The following LRRC1 variants were observed in gnomAD, a reference collection of about 807,000 sequenced individuals.
LRRC1 encodes the protein leucine-rich repeat-containing protein 1.
Under a neutral mutation model 69.9 loss-of-function variants are expected in LRRC1, and 28 were observed. The observed-to-expected ratio is 0.40, with a 90% CI of 0.30 to 0.55. The LOEUF is 0.55. LRRC1 is among the 20% of genes least tolerant of loss of function. The pLI is 0.47. For missense variants in LRRC1, 498 were observed against 609.0 expected, an observed-to-expected ratio of 0.82 and a Z score of 1.92; for synonymous variants, 236 against 240.2, an observed-to-expected ratio of 0.98 and a Z score of 0.16.
chr6:53,865,455 T>G (rs1317286755), intron 2 of LRRC1, among the ~76,000 whole-genome samples: 4 of 152,160 alleles, frequency 2.6e-5, no homozygotes. Context: ...AGAAGGTTGT[T>G]AGTCTTTGAT....
At chr6:53,844,647 T>TTTGTTG (rs753928943) in intron 2 of LRRC1, among the ~76,000 whole-genome samples, 9 of 152,178 alleles carry the variant, frequency 5.9e-5, no homozygotes, top group Admixed American at 1.3e-4. Context: ...TACCCTGCTT[T>TTTGTTG]TTGTTGTTGT....
At chr6:53,831,243 T>G (rs1333317999) in intron 1 of LRRC1, among the ~76,000 whole-genome samples, 1 of 152,106 alleles carries the variant, frequency 6.6e-6, no homozygotes, top group Non-Finnish European at 1.5e-5. Flanking sequence ...ACAAACGGCA[T>G]TACATAGTCA....
intron 1 of LRRC1, among the ~76,000 whole-genome samples, chr6:53,822,906 A>C (rs1765155697): frequency 6.6e-6 from 1 of 152,184 alleles, no homozygotes; most frequent in Non-Finnish European, 1.5e-5. Context: ...GTTAAGGTGT[A>C]AGCCCTCCCG....
chr6:53,853,338 G>T (rs1048742183), intron 2 of LRRC1, among the ~76,000 whole-genome samples: 3 of 148,342 alleles, frequency 2.0e-5, no homozygotes, highest in Admixed American at 6.8e-5. Flanking sequence ...AGGCTGGAGC[G>T]CAATGGTGTG....
At chr6:53,890,788 C>T (rs1041224370) in intron 4 of LRRC1, among the ~76,000 whole-genome samples, 8 of 152,224 alleles carry the variant, frequency 5.3e-5, no homozygotes, top group African/African-American at 1.9e-4. Context: ...CCCCATTCCC[C>T]CATTAATAGT....
chr6:53,889,632 G>A (rs1767610677), intron 4 of LRRC1, among the ~76,000 whole-genome samples: 1 of 152,152 alleles, frequency 6.6e-6, no homozygotes, highest in African/African-American at 2.4e-5. Flanking sequence ...GTTGTTGGGT[G>A]TTGTGGGGTG....
At position 53,902,639 on chromosome 6, in the gene LRRC1, G is replaced by A; in HGVS notation, c.798G>A (p.Lys266=). 1 of 1,587,640 alleles carries A rather than the reference G, an allele frequency of 6.3e-7. No homozygotes were observed. Among genetic ancestry groups the A allele is most frequent in the Non-Finnish European group, 8.6e-7 (1 of 1,168,020 alleles). Residue 266 remains lysine (K), a synonymous_variant, in exon 9 of 14, where the codon AAG becomes AAA. Transcript: ENST00000370888. ...ETIPDGIGKL[K]KLSILKVDQN... is the part of the protein sequence containing the mutation. Reference sequence around the variant, plus strand: ...ATAATGCTTTTACAGGAAAACTAAAGAAACTGTCAATCTTGAAGGTGGATC... The same window carrying A: ...ATAATGCTTTTACAGGAAAACTAAAAAAACTGTCAATCTTGAAGGTGGATC...
In LRRC1 at chr6:53,797,635, G is replaced by A. The variant is rs117345750; in HGVS notation, c.159+2220G>A. ...ATTTTGGTGGCCATACCAGCTGTAT[G>A]TTCTCCTCTCTATAATTTGTTTGGA... On this transcript the variant is annotated intron_variant, in intron 1 of 13. Coordinates refer to ENST00000370888, the MANE Select transcript of LRRC1 (RefSeq NM_018214.5). Among the ~76,000 whole-genome samples, 127 of 152,260 alleles carry A rather than the reference G, an allele frequency of 8.3e-4. 1 individual carries two copies. The East Asian group carries it at 0.022, about 27-fold the overall frequency.
At chr6:53,886,250 CAA>C (rs544759431) in intron 4 of LRRC1, among the ~76,000 whole-genome samples, 33 of 152,064 alleles carry the variant, frequency 2.2e-4, no homozygotes, top group Non-Finnish European at 4.6e-4. Context: ...TTGATATAAA[CAA>C]GAGTTAAGTT....
In LRRC1 at chr6:53,923,647, A is replaced by G. The variant is rs1768803638; in HGVS notation, c.*854A>G. The G allele has an allele frequency of 6.6e-6, 1 of 152,658 alleles. No homozygotes were observed. The highest frequency in any genetic ancestry group is 6.5e-5 in the Admixed American group (1 of 15,282). The allele number at this position is 152,658 out of a possible 1,614,324, so 9.5% of individuals were successfully genotyped here. ...CACTTTTTTTCTGAATAAGTCTCTC[A>G]TAATGAGTGCAGTGTCAGACTGTGC... On this transcript the variant is annotated 3_prime_UTR_variant, in exon 14 of 14. Coordinates refer to ENST00000370888, the MANE Select transcript of LRRC1 (RefSeq NM_018214.5).
At chr6:53,921,345 T>C (rs1768736346) in intron 13 of LRRC1, among the ~76,000 whole-genome samples, 2 of 152,206 alleles carry the variant, frequency 1.3e-5, no homozygotes, top group Admixed American at 6.5e-5. Flanking sequence ...ACTCCCACTG[T>C]TTTCTTAACA....
At chr6:53,824,516 C>G (rs1415295314) in intron 1 of LRRC1, among the ~76,000 whole-genome samples, 3 of 152,062 alleles carry the variant, frequency 2.0e-5, no homozygotes, top group Admixed American at 2.0e-4. Context: ...TCAATTTTTG[C>G]TTTTGTCACA....
intron 10 of LRRC1, among the ~76,000 whole-genome samples, chr6:53,907,567 G>A (rs150451635): frequency 3.5e-4 from 53 of 152,220 alleles, no homozygotes; most frequent in African/African-American, 1.2e-3. Flanking sequence ...ATTGTTAGCT[G>A]CTTGGAAATT....
chr6:53,851,870 G>C (rs1766148921), intron 2 of LRRC1, among the ~76,000 whole-genome samples: 1 of 152,338 alleles, frequency 6.6e-6, no homozygotes, highest in South Asian at 2.1e-4. Context: ...CTAGACATAA[G>C]TTAACATGAT....
At chr6:53,804,819 A>G (rs1245849082) in intron 1 of LRRC1, among the ~76,000 whole-genome samples, 1 of 152,206 alleles carries the variant, frequency 6.6e-6, no homozygotes, top group Non-Finnish European at 1.5e-5. Context: ...ATATTGCTAG[A>G]TTTTCAGTTT....
intron 1 of LRRC1, among the ~76,000 whole-genome samples, chr6:53,841,071 C>T (rs1438137924): frequency 6.6e-6 from 1 of 152,130 alleles, no homozygotes; most frequent in Non-Finnish European, 1.5e-5. Flanking sequence ...TGCTCATGCC[C>T]AGGAGCCGGG....
intron 2 of LRRC1, among the ~76,000 whole-genome samples, chr6:53,868,206 C>G (rs946546667): frequency 1.3e-5 from 2 of 150,026 alleles, no homozygotes; most frequent in African/African-American, 2.4e-5. Context: ...AATGTTATTT[C>G]TATTGGTAAT....
At chr6:53,806,030 T>C (rs1466104769) in intron 1 of LRRC1, among the ~76,000 whole-genome samples, 1 of 152,194 alleles carries the variant, frequency 6.6e-6, no homozygotes, top group Non-Finnish European at 1.5e-5. Context: ...TTTTTGTAGT[T>C]CCGCCTGTGG....
At chr6:53,827,487 T>C (rs1253736291) in intron 1 of LRRC1, among the ~76,000 whole-genome samples, 1 of 152,174 alleles carries the variant, frequency 6.6e-6, no homozygotes, top group Non-Finnish European at 1.5e-5. Context: ...CAAAATGCGT[T>C]GGAGAATCAC....
Sources: gnomAD v4.1 joint callset for allele counts (sites outside exome capture counted in the v4.1 genomes callset) on GRCh38, gnomAD v4.1.1 for gene constraint, MANE v1.5 for transcripts, NCBI Gene and HGNC (gene_info 2026-07-23, HGNC 2026-07-21) for gene names.